The following MYO5C variants were observed in gnomAD, a reference collection of about 807,000 sequenced individuals.
MYO5C encodes unconventional myosin-Vc.
Under a neutral mutation model 235.7 loss-of-function variants are expected in MYO5C, and 194 were observed. The observed-to-expected ratio is 0.82, with a 90% CI of 0.73 to 0.93. MYO5C has a LOEUF of 0.93. MYO5C is among the 40% of genes least tolerant of loss of function. MYO5C has a pLI of 0.00. For missense variants in MYO5C, 2,038 were observed against 2,127.2 expected (o/e 0.96, Z 0.82); for synonymous variants, 707 against 754.8 (o/e 0.94, Z 1.04).
intron 23 of MYO5C, among the ~76,000 whole-genome samples, chr15:52,234,531 A>AC (rs1171149580): frequency 6.6e-6 from 1 of 152,182 alleles, no homozygotes; most frequent in Non-Finnish European, 1.5e-5. Context: ...GTGCTGTAAT[A>AC]AAAAGGGTGG....
chr15:52,211,893 G>A lies in MYO5C; in HGVS notation c.4142-9C>T. The A allele has an allele frequency of 1.2e-6, 2 of 1,612,962 alleles. No homozygotes were observed. Among genetic ancestry groups the A allele is most frequent in the African/African-American group, 1.3e-5 (1 of 75,026 alleles). On this transcript the variant is annotated splice_polypyrimidine_tract_variant and intron_variant, in intron 34 of 40. Transcript: ENST00000261839. ...GCCACGGGGCTTCAAGTCTGAAGCA[G>A]AGAGAGCCAATGAGGATTACAGCTG...
rs2036410483 is a variant in MYO5C, at chr15:52,248,873, A to C, written c.1663-90T>G. The C allele has an allele frequency of 3.2e-6, 3 of 930,764 alleles. No individual in the cohort carries two copies. The Admixed American group carries it at 7.1e-5, about 22-fold the overall frequency. 57.7% of individuals were successfully genotyped at this position (930,764 alleles called of 1,614,324 possible). A position where few individuals can be genotyped will look rare whatever the true frequency, so the allele number is the denominator to read the frequency against. ...TTCATCTCTTTTTTAAGAAAGATTA[A>C]TAAAAAAGGCTACAGAGGCAATCTT... is the stretch of plus-strand genomic sequence containing the variant. On this transcript the variant is annotated intron_variant, in intron 13 of 40. Transcript: ENST00000261839.
chr15:52,244,501 CTAAA>C lies in MYO5C; in HGVS notation c.2241_2244del (p.Tyr747Ter). 1 of 1,614,168 alleles carries C rather than the reference CTAAA, an allele frequency of 6.2e-7. No individual in the cohort carries two copies. The highest frequency in any genetic ancestry group is 8.5e-7 in the Non-Finnish European group (1 of 1,180,048). ...CTCAGTTTATCCAATCGAAGTTTCTCTAAATAAGCCACTTGTCCTGCTCTGAAGA... is the reference window on the plus strand; with the variant it reads ...CTCAGTTTATCCAATCGAAGTTTCTCTAAGCCACTTGTCCTGCTCTGAAGA... On this transcript the variant is annotated frameshift_variant, in exon 19 of 41. Coordinates refer to ENST00000261839, the MANE Select transcript of MYO5C (RefSeq NM_018728.4). LOFTEE classifies it high-confidence loss of function.
chr15:52,284,634 T>C (rs1465521642), intron 1 of MYO5C, among the ~76,000 whole-genome samples: 1 of 152,214 alleles, frequency 6.6e-6, no homozygotes, highest in African/African-American at 2.4e-5. Context: ...TATGGAACTC[T>C]AGTTAATATG....
chr15:52,203,781 C>G (rs569721809), intron 38 of MYO5C, among the ~76,000 whole-genome samples: 1 of 152,296 alleles, frequency 6.6e-6, no homozygotes, highest in South Asian at 2.1e-4. Context: ...TACTCAGCCC[C>G]CCACTACTCT....
chr15:52,260,967 T>C lies in MYO5C; in HGVS notation c.1208A>G (p.Lys403Arg), dbSNP rs1297605579. 1 of 1,614,220 alleles carries C rather than the reference T, an allele frequency of 6.2e-7. No homozygotes were observed. Among genetic ancestry groups the C allele is most frequent in the South Asian group, 1.1e-5 (1 of 91,086 alleles). ...GTCGAACAGGTGAGCATAGATCTTT[T>C]TGGCCAGTGCATCCCTGGCGTTGAC... Reference protein sequence around the residue: ...QAVNARDALAKKIYAHLFDFI... With the variant: ...QAVNARDALARKIYAHLFDFI... Residue 403 changes from lysine to arginine, a missense_variant, in exon 10 of 41, where the codon AAA becomes AGA. Transcript: ENST00000261839.
chr15:52,253,284 A>T, intron 12 of MYO5C, 33 bp downstream of exon 12: 1 of 1,593,288 alleles, frequency 6.3e-7, no homozygotes, highest in East Asian at 2.2e-5. Flanking sequence ...TACTACTTAA[A>T]AGCTGAAAAA....
chr15:52,205,258 G>A, intron 37 of MYO5C, 111 bp from the exon 38 acceptor site: 1 of 1,211,650 alleles, frequency 8.3e-7, no homozygotes, highest in Non-Finnish European at 1.2e-6. Context: ...AAGAGTCAGT[G>A]GATGTACTTA....
intron 1 of MYO5C, among the ~76,000 whole-genome samples, chr15:52,287,369 C>T (rs993080980): frequency 1.3e-5 from 2 of 152,174 alleles, no homozygotes; most frequent in African/African-American, 4.8e-5. Flanking sequence ...ACAGCTCCTA[C>T]CCCAGGTCTG....
intron 25 of MYO5C, among the ~76,000 whole-genome samples, chr15:52,228,005 T>C (rs1381774836): frequency 1.3e-5 from 2 of 152,224 alleles, no homozygotes; most frequent in Admixed American, 6.5e-5. Context: ...GGTTTAACTT[T>C]TCTGGTAGGG....
rs544800979 is a variant in MYO5C at position 52,249,745 on chromosome 15, C to T, written c.1663-962G>A. On this transcript the variant is annotated intron_variant, in intron 13 of 40. Transcript: ENST00000261839. Reference sequence around the variant, plus strand: ...AAATACAGAGCTTTCCTGGTCTGGGCGAGCATCTGTGGGGACAGTGTCACA... The same window carrying T: ...AAATACAGAGCTTTCCTGGTCTGGGTGAGCATCTGTGGGGACAGTGTCACA... Among the ~76,000 whole-genome samples the T allele has an allele frequency of 1.1e-4, 17 of 152,264 alleles. No individual in the cohort carries two copies. The South Asian group carries it at 3.5e-3, about 32-fold the overall frequency.
intron 1 of MYO5C, among the ~76,000 whole-genome samples, chr15:52,286,749 C>G (rs551839329): frequency 6.6e-6 from 1 of 151,820 alleles, no homozygotes; most frequent in African/African-American, 2.4e-5. Flanking sequence ...GCAGCATGCT[C>G]GTTGAGAGTC....
chr15:52,205,779 A>G (rs1299737420), intron 37 of MYO5C, 37 bp downstream of exon 37: 5 of 1,318,422 alleles, frequency 3.8e-6, no homozygotes, highest in Non-Finnish European at 5.2e-6. Context: ...TCTTAATGTT[A>G]CTATAAATAT....
intron 1 of MYO5C, among the ~76,000 whole-genome samples, chr15:52,293,378 T>C (rs2037433687): frequency 6.6e-6 from 1 of 152,168 alleles, no homozygotes; most frequent in African/African-American, 2.4e-5. Context: ...AGTGTCTTGT[T>C]GGCTTCAGTG....
chr15:52,257,693 C>T (rs912683373), intron 10 of MYO5C, among the ~76,000 whole-genome samples: 8 of 152,188 alleles, frequency 5.3e-5, no homozygotes, highest in African/African-American at 1.7e-4. Flanking sequence ...CTGTCACACA[C>T]GAGGGTCAGA....
chr15:52,253,607 C>A lies in MYO5C; in HGVS notation c.1396-150G>T, dbSNP rs1007519302. Reference sequence around the variant, plus strand: ...CCCTGAAGTATAGACAAGGCCCATACCGTGATCAATACCGCCGAGTTCCTA... The same window carrying A: ...CCCTGAAGTATAGACAAGGCCCATAACGTGATCAATACCGCCGAGTTCCTA... On this transcript the variant is annotated intron_variant, in intron 11 of 40. Transcript: ENST00000261839. 25 of 750,878 alleles carry A rather than the reference C, an allele frequency of 3.3e-5. No individual in the cohort carries two copies. The African/African-American group carries it at 3.7e-4, about 11-fold the overall frequency. 46.5% of individuals were successfully genotyped at this position (750,878 alleles called of 1,614,324 possible).
intron 9 of MYO5C, among the ~76,000 whole-genome samples, chr15:52,261,334 G>C (rs2036690789): frequency 6.6e-6 from 1 of 152,238 alleles, no homozygotes; most frequent in East Asian, 1.9e-4. Context: ...CCTGGCCCTT[G>C]GCAGACCACC....
rs2035182371 is a variant in MYO5C at position 52,201,285 on chromosome 15, A to G, written c.4820+3580T>C. Among the ~76,000 whole-genome samples the G allele has an allele frequency of 2.0e-5, 3 of 152,230 alleles. No homozygotes were observed. The South Asian group carries it at 6.2e-4, about 32-fold the overall frequency. ...AGAAAAAAAAATCTTAAAAGTAATCAGCGAAAAATTATGCATTATTTATGG... is the reference window on the plus strand; with the variant it reads ...AGAAAAAAAAATCTTAAAAGTAATCGGCGAAAAATTATGCATTATTTATGG... On this transcript the variant is annotated intron_variant, in intron 38 of 40. Transcript: ENST00000261839.
At chr15:52,291,844 T>C (rs898460983) in intron 1 of MYO5C, among the ~76,000 whole-genome samples, 23 of 147,430 alleles carry the variant, frequency 1.6e-4, no homozygotes, top group Non-Finnish European at 2.8e-4. Flanking sequence ...GTTCACGCCA[T>C]TCTCCTGCCT....
Sources: allele counts gnomAD v4.1 joint callset (sites outside exome capture counted in the v4.1 genomes callset), GRCh38; gene constraint gnomAD v4.1.1; transcripts MANE v1.5; gene names NCBI Gene and HGNC (gene_info 2026-07-23, HGNC 2026-07-21).